H4C3: variants seen among roughly 807,000 people sequenced by gnomAD.
The protein encoded by H4C3 is histone H4.
Under a neutral mutation model 5.3 loss-of-function variants are expected in H4C3, and 10 were observed. The ratio of observed to expected loss-of-function variants is 1.87; its 90% CI spans 1.16 to 3.18. The LOEUF (loss-of-function observed/expected upper bound fraction) is 3.18. H4C3 is among the 30% of genes most tolerant of loss of function. H4C3 has a pLI of 0.00. For synonymous variants in H4C3, 133 were observed against 56.8 expected, an observed-to-expected ratio of 2.34 and a Z score of -6.03; for missense variants, 191 against 152.5, an observed-to-expected ratio of 1.25 and a Z score of -1.33.
chr6:26,104,303 CAAA>C lies in H4C3; in HGVS notation c.*49_*51del, dbSNP rs58741377. ...TCCTGAGAACTTCAAAAAACAAAAA[CAAA>C]AAAACCCAAAGGCCCTTTTCAGGGC... On this transcript the variant is annotated 3_prime_UTR_variant, in exon 1 of 1. Transcript: ENST00000377803. The C allele has an allele frequency of 1.7e-5, 26 of 1,510,118 alleles. No homozygotes were observed. In the Admixed American group the frequency reaches 4.0e-4, roughly 23 times the overall value. The allele number at this position is 1,510,118 out of a possible 1,614,324, so 93.5% of individuals were successfully genotyped here. A position where few individuals can be genotyped will look rare whatever the true frequency, so the allele number is the denominator to read the frequency against.
In H4C3 at chr6:26,104,103, T is replaced by C. The variant is rs756402378; in HGVS notation, c.156T>C (p.Tyr52=). 7 of 1,614,188 alleles carry C rather than the reference T, an allele frequency of 4.3e-6. No individual in the cohort carries two copies. Among genetic ancestry groups the C allele is most frequent in the Middle Eastern group, 1.7e-4 (1 of 6,060 alleles). The stretch of plus-strand genomic sequence containing the variant: ...TCAAGCGCATTTCCGGTCTTATCTA[T>C]GAGGAGACTCGAGGTGTGCTTAAGG... ...GGVKRISGLI[Y]EETRGVLKVF... Residue 52 remains tyrosine (Y), a synonymous_variant, in exon 1 of 1, where the codon TAT becomes TAC. Transcript: ENST00000377803.
Position 26,104,036 on chromosome 6 carries a change from T to C in H4C3, c.89T>C (p.Ile30Thr). Residue 30 changes from isoleucine (I) to threonine (T), a missense_variant, in exon 1 of 1, where the codon ATT (isoleucine) becomes ACT (threonine). Transcript: ENST00000377803. ...RKVLRDNIQG[I>T]TKPAIRRLAR... is the part of the protein sequence containing the mutation. ...GTGCTCCGGGATAACATCCAGGGCATTACAAAACCGGCTATTCGCCGTTTG... is the reference window on the plus strand; with the variant it reads ...GTGCTCCGGGATAACATCCAGGGCACTACAAAACCGGCTATTCGCCGTTTG... The C allele has an allele frequency of 6.2e-7, 1 of 1,614,166 alleles. No homozygotes were observed. Among genetic ancestry groups the C allele is most frequent in the Non-Finnish European group, 8.5e-7 (1 of 1,180,018 alleles).
Position 26,104,183 on chromosome 6 carries a change from G to A in H4C3, c.236G>A (p.Arg79His). The A allele has an allele frequency of 6.2e-7, 1 of 1,614,124 alleles. No homozygotes were observed. The highest frequency in any genetic ancestry group is 8.5e-7 in the Non-Finnish European group (1 of 1,180,024). Residue 79 changes from arginine to histidine, a missense_variant, in exon 1 of 1, where the codon CGC (arginine) becomes CAC (histidine). Coordinates refer to ENST00000377803, the MANE Select transcript of H4C3 (RefSeq NM_003542.4). ...GTCACCTATACGGAGCACGCCAAGC[G>A]CAAAACTGTCACAGCCATGGATGTA... ...DAVTYTEHAK[R>H]KTVTAMDVVY...
chr6:26,104,266 G>A lies in H4C3; in HGVS notation c.*7G>A, dbSNP rs770738668. On this transcript the variant is annotated 3_prime_UTR_variant, in exon 1 of 1. Transcript: ENST00000377803. The stretch of plus-strand genomic sequence containing the variant: ...GTATGGCTTCGGCGGCTGAATCTAA[G>A]AATACGCGGTCTCCTGAGAACTTCA... 1.9e-6 allele frequency: 3 copies of A among 1,581,288 alleles called. No homozygotes were observed. The highest frequency in any genetic ancestry group is 1.8e-5 in the Admixed American group (1 of 55,880).
chr6:26,103,981 G>A lies in H4C3; in HGVS notation c.34G>A (p.Gly12Arg), dbSNP rs754919310. The A allele has an allele frequency of 3.1e-6, 5 of 1,612,578 alleles. No homozygotes were observed. The highest frequency in any genetic ancestry group is 4.2e-6 in the Non-Finnish European group (5 of 1,178,728). The stretch of plus-strand genomic sequence containing the variant: ...TCGCGGCAAAGGCGGAAAAGGCTTG[G>A]GGAAGGGTGGTGCTAAGCGCCATCG... The part of the protein sequence containing the change: ...SGRGKGGKGL[G>R]KGGAKRHRKV... Residue 12 changes from glycine to arginine, a missense_variant, in exon 1 of 1, where the codon GGG becomes AGG. By Grantham distance (125) the Gly-to-Arg change is moderately radical. Coordinates refer to ENST00000377803, the MANE Select transcript of H4C3 (RefSeq NM_003542.4).
At position 26,103,988 on chromosome 6, in the gene H4C3, G is replaced by T. The variant is rs752710671; in HGVS notation, c.41G>T (p.Gly14Val). Residue 14 changes from glycine (G) to valine (V), a missense_variant, in exon 1 of 1, where the codon GGT becomes GTT. By Grantham distance (109) the Gly-to-Val change is moderately radical. Transcript: ENST00000377803. ...RGKGGKGLGK[G>V]GAKRHRKVLR... is the part of the protein sequence containing the mutation. Reference sequence around the variant, plus strand: ...AAAGGCGGAAAAGGCTTGGGGAAGGGTGGTGCTAAGCGCCATCGTAAGGTG... The same window carrying T: ...AAAGGCGGAAAAGGCTTGGGGAAGGTTGGTGCTAAGCGCCATCGTAAGGTG... 9 of 1,613,326 alleles carry T rather than the reference G, an allele frequency of 5.6e-6. No individual in the cohort carries two copies. The highest frequency in any genetic ancestry group is 3.3e-4 in the Middle Eastern group (2 of 6,078).
chr6:26,104,134 TTAGAGAACG>T lies in H4C3; in HGVS notation c.189_197del (p.Leu63_Val66delinsPhe), dbSNP rs776896605. 6.2e-7 allele frequency: 1 copy of T among 1,614,148 alleles called. No homozygotes were observed. Among genetic ancestry groups the T allele is most frequent in the Non-Finnish European group, 8.5e-7 (1 of 1,180,018 alleles). On this transcript the variant is annotated inframe_deletion, in exon 1 of 1. Transcript: ENST00000377803. ...GACTCGAGGTGTGCTTAAGGTTTTCTTAGAGAACGTTATTCGAGACGCCGTCACCTATAC... is the reference window on the plus strand; with the variant it reads ...GACTCGAGGTGTGCTTAAGGTTTTCTTTATTCGAGACGCCGTCACCTATAC...
chr6:26,104,017 C>T lies in H4C3; in HGVS notation c.70C>T (p.Arg24Trp). The change falls in exon 1 of 1, where the codon CGG becomes TGG. Residue 24 changes from arginine to tryptophan, a missense_variant. Physicochemically the swap from Arg to Trp is moderately radical, Grantham distance 101. Transcript: ENST00000377803. ...TGCTAAGCGCCATCGTAAGGTGCTC[C>T]GGGATAACATCCAGGGCATTACAAA... Reference protein sequence around the residue: ...GGAKRHRKVLRDNIQGITKPA... With the variant: ...GGAKRHRKVLWDNIQGITKPA... The T allele has an allele frequency of 1.2e-6, 2 of 1,614,124 alleles. No homozygotes were observed. The highest frequency in any genetic ancestry group is 1.7e-6 in the Non-Finnish European group (2 of 1,180,024).
At position 26,104,021 on chromosome 6, in the gene H4C3, A is replaced by T. The variant is rs1200930702; in HGVS notation, c.74A>T (p.Asp25Val). The change falls in exon 1 of 1, where the codon GAT becomes GTT. Residue 25 changes from aspartate (D) to valine (V), a missense_variant. Physicochemically the swap from Asp to Val is radical, Grantham distance 152. Transcript: ENST00000377803. ...AAGCGCCATCGTAAGGTGCTCCGGG[A>T]TAACATCCAGGGCATTACAAAACCG... ...GAKRHRKVLR[D>V]NIQGITKPAI... 6.2e-7 allele frequency: 1 copy of T among 1,614,056 alleles called. No homozygotes were observed. Among genetic ancestry groups the T allele is most frequent in the Non-Finnish European group, 8.5e-7 (1 of 1,180,038 alleles).
At position 26,104,247 on chromosome 6, in the gene H4C3, C is replaced by T. The variant is rs113071031; in HGVS notation, c.300C>T (p.Gly100=). ...ALKRQGRTLY[G]FGG is the part of the protein sequence containing the mutation. ...AACGTCAGGGGCGCACTCTGTATGG[C>T]TTCGGCGGCTGAATCTAAGAATACG... Residue 100 remains glycine (G), a synonymous_variant, in exon 1 of 1, where the codon GGC becomes GGT. Coordinates refer to ENST00000377803, the MANE Select transcript of H4C3 (RefSeq NM_003542.4). The T allele has an allele frequency of 1.8e-4, 283 of 1,590,670 alleles. No homozygotes were observed. Among genetic ancestry groups the T allele is most frequent in the African/African-American group, 5.4e-5 (4 of 74,070 alleles).
rs762429421 is a variant in H4C3 at position 26,103,945 on chromosome 6, A to G, written c.-3A>G. ...GTTCATACCTTCCACTGCGATAGGAATCATGTCTGGTCGCGGCAAAGGCGG... is the reference window on the plus strand; with the variant it reads ...GTTCATACCTTCCACTGCGATAGGAGTCATGTCTGGTCGCGGCAAAGGCGG... On this transcript the variant is annotated 5_prime_UTR_variant, in exon 1 of 1. Coordinates refer to ENST00000377803, the MANE Select transcript of H4C3 (RefSeq NM_003542.4). 1.8e-5 allele frequency: 29 copies of G among 1,602,932 alleles called. No individual in the cohort carries two copies. The South Asian group carries it at 2.5e-4, about 14-fold the overall frequency.
Position 26,104,175 on chromosome 6 carries a change from C to T in H4C3, c.228C>T (p.His76=), listed in dbSNP as rs1460328251. ...VIRDAVTYTE[H]AKRKTVTAMD... is the part of the protein sequence containing the mutation. ...GAGACGCCGTCACCTATACGGAGCACGCCAAGCGCAAAACTGTCACAGCCA... is the reference window on the plus strand; with the variant it reads ...GAGACGCCGTCACCTATACGGAGCATGCCAAGCGCAAAACTGTCACAGCCA... The change falls in exon 1 of 1, where the codon CAC becomes CAT. Residue 76 remains histidine (H), a synonymous_variant. Coordinates refer to ENST00000377803, the MANE Select transcript of H4C3 (RefSeq NM_003542.4). 5 of 1,614,110 alleles carry T rather than the reference C, an allele frequency of 3.1e-6. No homozygotes were observed. The highest frequency in any genetic ancestry group is 4.5e-5 in the East Asian group (2 of 44,880).
In H4C3 at chr6:26,104,209, G is replaced by A. The variant is rs1763199552; in HGVS notation, c.262G>A (p.Val88Ile). 6.2e-7 allele frequency: 1 copy of A among 1,613,318 alleles called. No individual in the cohort carries two copies. The highest frequency in any genetic ancestry group is 8.5e-7 in the Non-Finnish European group (1 of 1,179,290). ...KRKTVTAMDV[V>I]YALKRQGRTL... is the part of the protein sequence containing the mutation. ...CAAAACTGTCACAGCCATGGATGTA[G>A]TATATGCCCTAAAACGTCAGGGGCG... is the stretch of plus-strand genomic sequence containing the variant. Residue 88 changes from valine (V) to isoleucine (I), a missense_variant, in exon 1 of 1, where the codon GTA becomes ATA. Transcript: ENST00000377803.
chr6:26,104,208 AGTATAT>A lies in H4C3; in HGVS notation c.263_268del (p.Val88_Tyr89del). On this transcript the variant is annotated inframe_deletion, in exon 1 of 1. Transcript: ENST00000377803. ...GCAAAACTGTCACAGCCATGGATGT[AGTATAT>A]GCCCTAAAACGTCAGGGGCGCACTC... is the stretch of plus-strand genomic sequence containing the variant. 1.2e-6 allele frequency: 2 copies of A among 1,613,864 alleles called. No individual in the cohort carries two copies. The highest frequency in any genetic ancestry group is 1.7e-6 in the Non-Finnish European group (2 of 1,179,740).
At position 26,104,091 on chromosome 6, in the gene H4C3, C is replaced by T. The variant is rs548111237; in HGVS notation, c.144C>T (p.Ser48=). Residue 48 remains serine (S), a synonymous_variant, in exon 1 of 1, where the codon TCC becomes TCT. Coordinates refer to ENST00000377803, the MANE Select transcript of H4C3 (RefSeq NM_003542.4). The part of the protein sequence containing the change: ...LARRGGVKRI[S]GLIYEETRGV... Reference sequence around the variant, plus strand: ...GGCGCGGTGGCGTCAAGCGCATTTCCGGTCTTATCTATGAGGAGACTCGAG... The same window carrying T: ...GGCGCGGTGGCGTCAAGCGCATTTCTGGTCTTATCTATGAGGAGACTCGAG... The T allele has an allele frequency of 1.7e-5, 27 of 1,614,150 alleles. No homozygotes were observed. Among genetic ancestry groups the T allele is most frequent in the African/African-American group, 1.3e-4 (10 of 75,026 alleles).
In H4C3 at chr6:26,104,266, G is replaced by C. The variant is rs770738668; in HGVS notation, c.*7G>C. On this transcript the variant is annotated 3_prime_UTR_variant, in exon 1 of 1. Coordinates refer to ENST00000377803, the MANE Select transcript of H4C3 (RefSeq NM_003542.4). Reference sequence around the variant, plus strand: ...GTATGGCTTCGGCGGCTGAATCTAAGAATACGCGGTCTCCTGAGAACTTCA... The same window carrying C: ...GTATGGCTTCGGCGGCTGAATCTAACAATACGCGGTCTCCTGAGAACTTCA... The C allele has an allele frequency of 1.3e-6, 2 of 1,581,288 alleles. No individual in the cohort carries two copies. The highest frequency in any genetic ancestry group is 1.7e-6 in the Non-Finnish European group (2 of 1,159,752).
In H4C3 at chr6:26,104,029, C is replaced by T. The variant is rs148953304; in HGVS notation, c.82C>T (p.Gln28Ter). 3.3e-5 allele frequency: 54 copies of T among 1,614,050 alleles called. 1 individual carries two copies. In the Admixed American group the frequency reaches 7.5e-4, roughly 22 times the overall value. The change falls in exon 1 of 1, where the codon CAG (glutamine) becomes TAG (stop). Residue 28 changes from glutamine (Q) to a stop codon, truncating the protein, a stop_gained. Coordinates refer to ENST00000377803, the MANE Select transcript of H4C3 (RefSeq NM_003542.4). LOFTEE classifies it high-confidence loss of function. ...RHRKVLRDNIQGITKPAIRRL... is the reference protein window; with the variant it reads ...RHRKVLRDNI ...TCGTAAGGTGCTCCGGGATAACATC[C>T]AGGGCATTACAAAACCGGCTATTCG...
rs1401034217 is a variant in H4C3 at position 26,104,263 on chromosome 6, T to G, written c.*4T>G. ...TCTGTATGGCTTCGGCGGCTGAATCTAAGAATACGCGGTCTCCTGAGAACT... is the reference window on the plus strand; with the variant it reads ...TCTGTATGGCTTCGGCGGCTGAATCGAAGAATACGCGGTCTCCTGAGAACT... On this transcript the variant is annotated 3_prime_UTR_variant, in exon 1 of 1. Transcript: ENST00000377803. 11 of 1,583,480 alleles carry G rather than the reference T, an allele frequency of 6.9e-6. No individual in the cohort carries two copies. The highest frequency in any genetic ancestry group is 1.8e-5 in the Admixed American group (1 of 56,332).
chr6:26,104,324 T>C lies in H4C3; in HGVS notation c.*65T>C. The C allele has an allele frequency of 1.4e-6, 2 of 1,406,378 alleles. No homozygotes were observed. The highest frequency in any genetic ancestry group is 1.9e-6 in the Non-Finnish European group (2 of 1,042,810). 87.1% of individuals were successfully genotyped at this position (1,406,378 alleles called of 1,614,324 possible). A position where few individuals can be genotyped will look rare whatever the true frequency, so the allele number is the denominator to read the frequency against. On this transcript the variant is annotated 3_prime_UTR_variant, in exon 1 of 1. Coordinates refer to ENST00000377803, the MANE Select transcript of H4C3 (RefSeq NM_003542.4). ...AAAACAAAAAAACCCAAAGGCCCTT[T>C]TCAGGGCCGCTCACAAAGTCGTTTA... is the stretch of plus-strand genomic sequence containing the variant.
Sources: allele counts gnomAD v4.1 joint callset, GRCh38; gene constraint gnomAD v4.1.1; transcripts MANE v1.5; gene names NCBI Gene and HGNC (gene_info 2026-07-23, HGNC 2026-07-21).